The following NEK11 variants were observed in gnomAD, a reference collection of about 807,000 sequenced individuals.
NEK11 encodes the protein NIMA related kinase 11.
Under a neutral mutation model 80.7 loss-of-function variants are expected in NEK11, and 72 were observed. That is an observed-to-expected ratio of 0.89 (90% CI 0.74 to 1.08). The LOEUF is 1.08. Among genes scored for constraint, NEK11 ranks in the 50% least tolerant of loss-of-function variants. The probability of loss-of-function intolerance (pLI) is 0.00; values close to 1 mark genes in which losing one functional copy is unlikely to be tolerated. For missense variants in NEK11, 764 were observed against 763.6 expected, an observed-to-expected ratio of 1.00 and a Z score of -0.01; for synonymous variants, 251 against 260.7, an observed-to-expected ratio of 0.96 and a Z score of 0.36.
intron 7 of NEK11, among the ~76,000 whole-genome samples, chr3:131,139,717 G>A (rs1333885406): frequency 6.6e-6 from 1 of 152,122 alleles, no homozygotes; most frequent in South Asian, 2.1e-4. Context: ...TTTCAAACAC[G>A]CAAATTTATT....
At chr3:131,190,579 C>T (rs576627825) in intron 14 of NEK11, among the ~76,000 whole-genome samples, 4 of 152,270 alleles carry the variant, frequency 2.6e-5, no homozygotes, top group African/African-American at 7.2e-5. Context: ...CTGAGGCCCT[C>T]ACCAGAAGTG....
chr3:131,219,493 C>T (rs533075241), intron 14 of NEK11, among the ~76,000 whole-genome samples: 16 of 150,948 alleles, frequency 1.1e-4, no homozygotes, highest in African/African-American at 2.9e-4. Context: ...ACCATCAGGA[C>T]GCGTGTGTAT....
intron 15 of NEK11, among the ~76,000 whole-genome samples, chr3:131,231,752 T>C (rs73870818): frequency 0.012 from 1,771 of 152,040 alleles, 50 homozygotes; most frequent in African/African-American, 0.04. Flanking sequence ...ACTTTGTGAA[T>C]TGAGAGAGAC....
chr3:131,267,504 T>C (rs182672546), intron 16 of NEK11, among the ~76,000 whole-genome samples: 150 of 152,352 alleles, frequency 9.8e-4, no homozygotes, highest in African/African-American at 3.5e-3. Flanking sequence ...TTTAAGAATG[T>C]TGAATATTGG....
chr3:131,214,236 C>A (rs1242207090), intron 14 of NEK11, among the ~76,000 whole-genome samples: 1 of 152,188 alleles, frequency 6.6e-6, no homozygotes, highest in Non-Finnish European at 1.5e-5. Flanking sequence ...AGTCTTAATG[C>A]AGAAAAGTAA....
At chr3:131,208,680 A>T (rs148688238) in intron 14 of NEK11, among the ~76,000 whole-genome samples, 4,358 of 152,258 alleles carry the variant, frequency 0.029, 117 homozygotes, top group Admixed American at 0.09. Context: ...GGTCCTACAC[A>T]TCCCTTGTAA....
At chr3:131,224,256 C>T (rs1294315796) in intron 14 of NEK11, among the ~76,000 whole-genome samples, 2 of 151,644 alleles carry the variant, frequency 1.3e-5, no homozygotes, top group East Asian at 1.9e-4. Flanking sequence ...GAGGTGTGGT[C>T]TCACTCTGTT....
chr3:131,190,192 G>T (rs1025678462), intron 14 of NEK11, among the ~76,000 whole-genome samples: 1 of 152,122 alleles, frequency 6.6e-6, no homozygotes, highest in Non-Finnish European at 1.5e-5. Context: ...ACTTATTCAT[G>T]CTCTCAAAAA....
intron 12 of NEK11, among the ~76,000 whole-genome samples, chr3:131,168,610 C>G (rs2092451534): frequency 6.6e-6 from 1 of 152,056 alleles, no homozygotes; most frequent in African/African-American, 2.4e-5. Context: ...CCCGCCTCGG[C>G]CTCCCAAAGT....
intron 14 of NEK11, chr3:131,184,594 C>T (rs749825067): frequency 9.2e-5 from 30 of 325,384 alleles, no homozygotes; most frequent in Non-Finnish European, 6.2e-5. Flanking sequence ...ATACATTTCA[C>T]GCAGAGATTA....
chr3:131,150,640 G>A (rs1324692686), intron 7 of NEK11, among the ~76,000 whole-genome samples: 3 of 151,800 alleles, frequency 2.0e-5, no homozygotes, highest in Admixed American at 6.6e-5. Context: ...TGATAATTTA[G>A]TTTTTTAATT....
At chr3:131,134,098 T>C in intron 7 of NEK11, 142 bp downstream of exon 7, 1 of 681,622 alleles carries the variant, frequency 1.5e-6, no homozygotes, top group Non-Finnish European at 2.2e-6. Context: ...AAAGAAGGTC[T>C]TTTGCATTTA....
At chr3:131,203,175 A>C (rs1385776033) in intron 14 of NEK11, among the ~76,000 whole-genome samples, 1 of 152,200 alleles carries the variant, frequency 6.6e-6, no homozygotes, top group African/African-American at 2.4e-5. Flanking sequence ...ACTTGGAATC[A>C]ACCCAAATGT....
At chr3:131,261,673 C>G (rs1291637187) in intron 16 of NEK11, among the ~76,000 whole-genome samples, 2 of 152,032 alleles carry the variant, frequency 1.3e-5, no homozygotes, top group Non-Finnish European at 2.9e-5. Context: ...TTGCTTTTTC[C>G]ACGGACCTCA....
At position 131,152,633 on chromosome 3, in the gene NEK11, T is replaced by C. The variant is rs1377772969; in HGVS notation, c.800T>C (p.Met267Thr). 1.2e-6 allele frequency: 2 copies of C among 1,612,926 alleles called. No homozygotes were observed. The highest frequency in any genetic ancestry group is 2.7e-5 in the African/African-American group (2 of 74,882). Residue 267 changes from methionine (M) to threonine (T), a missense_variant and splice_region_variant, in exon 9 of 18, where the codon ATG becomes ACG. Transcript: ENST00000383366. ...AATTTTCTGTTTAAACATTACAGCA[T>C]GTTGAACAAGAATCCTTCATTAAGA... ...PKELNAIMES[M>T]LNKNPSLRPS...
At chr3:131,325,868 T>C (rs894274189) in intron 17 of NEK11, 2 of 152,228 alleles carry the variant, frequency 1.3e-5, no homozygotes, top group Non-Finnish European at 2.9e-5. Flanking sequence ...GAAAAGTGTT[T>C]ATGAAAACAT....
At chr3:131,334,311 A>T (rs1404743047) in intron 17 of NEK11, among the ~76,000 whole-genome samples, 1 of 152,074 alleles carries the variant, frequency 6.6e-6, no homozygotes, top group Admixed American at 6.5e-5. Flanking sequence ...GCATTAAGAA[A>T]CTCACTCAAA....
chr3:131,304,292 T>C (rs572246701), intron 17 of NEK11, among the ~76,000 whole-genome samples: 1 of 152,228 alleles, frequency 6.6e-6, no homozygotes, highest in Non-Finnish European at 1.5e-5. Context: ...GGCCATTTCA[T>C]ATTTCAGTTC....
At chr3:131,076,254 A>G (rs981292823) in intron 3 of NEK11, among the ~76,000 whole-genome samples, 2 of 152,254 alleles carry the variant, frequency 1.3e-5, no homozygotes, top group Non-Finnish European at 2.9e-5. Flanking sequence ...ATAATGTCTC[A>G]TGAAAACAGC....
Sources: gnomAD v4.1 joint callset for allele counts (sites outside exome capture counted in the v4.1 genomes callset) on GRCh38, gnomAD v4.1.1 for gene constraint, MANE v1.5 for transcripts, NCBI Gene and HGNC (gene_info 2026-07-23, HGNC 2026-07-21) for gene names.